Variants in PI4K2B observed in about 807,000 individuals in gnomAD.
PI4K2B encodes the protein phosphatidylinositol 4-kinase type 2-beta.
A neutral mutation model predicts 56.6 loss-of-function variants in PI4K2B; 46 were observed. The ratio of observed to expected loss-of-function variants is 0.81; its 90% confidence interval spans 0.64 to 1.04. PI4K2B has a LOEUF of 1.04. Ranked by LOEUF, PI4K2B falls within the 50% of genes least tolerant of loss-of-function variation. The pLI, the probability that PI4K2B is intolerant of heterozygous loss-of-function variation, is 0.00. For missense variants in PI4K2B, 556 were observed against 607.7 expected (o/e 0.91, Z 0.89); for synonymous variants, 211 against 223.8 (o/e 0.94, Z 0.51).
intron 2 of PI4K2B, among the ~76,000 whole-genome samples, chr4:25,252,792 T>C (rs1442762399): frequency 6.6e-6 from 1 of 152,124 alleles, no homozygotes; most frequent in Non-Finnish European, 1.5e-5. Context: ...TTTGTAATTA[T>C]TTGTAGAGAC....
chr4:25,236,915 T>A (rs1715285985), intron 1 of PI4K2B, among the ~76,000 whole-genome samples: 1 of 152,250 alleles, frequency 6.6e-6, no homozygotes, highest in Admixed American at 6.5e-5. Flanking sequence ...TAATACTTTT[T>A]AAGTTTAGTT....
intron 1 of PI4K2B, among the ~76,000 whole-genome samples, chr4:25,251,395 G>GT (rs1716045423): frequency 6.6e-6 from 1 of 152,168 alleles, no homozygotes; most frequent in South Asian, 2.1e-4. Flanking sequence ...CATGGAGTTG[G>GT]TAGACAGTTG....
In PI4K2B at chr4:25,259,128, G is replaced by A. The variant is rs145898927; in HGVS notation, c.848G>A (p.Arg283Lys). 7.0e-5 allele frequency: 111 copies of A among 1,584,504 alleles called. No individual in the cohort carries two copies. The East Asian group carries it at 1.1e-3, about 16-fold the overall frequency. The change falls in exon 5 of 10, where the codon AGA becomes AAA. Residue 283 changes from arginine to lysine, a missense_variant. By Grantham distance (26) the Arg-to-Lys change is conservative. Coordinates refer to ENST00000264864, the MANE Select transcript of PI4K2B (RefSeq NM_018323.4). ...GCTGACCCTTTGCCTGAGAATATTA[G>A]AAAACAATTTCAGTCACAATTTGAA... ...FEADPLPENI[R>K]KQFQSQFERL...
At chr4:25,244,940 C>T (rs189206144) in intron 1 of PI4K2B, among the ~76,000 whole-genome samples, 1 of 152,270 alleles carries the variant, frequency 6.6e-6, no homozygotes, top group African/African-American at 2.4e-5. Flanking sequence ...GGACTTTACC[C>T]CTGTCCTATA....
At chr4:25,257,470 T>A (rs1048053115) in intron 4 of PI4K2B, among the ~76,000 whole-genome samples, 9 of 152,162 alleles carry the variant, frequency 5.9e-5, no homozygotes, top group African/African-American at 1.7e-4. Flanking sequence ...ACTTGGTACA[T>A]AGTAAAGGTT....
chr4:25,235,411 G>A (rs1715216671), intron 1 of PI4K2B, among the ~76,000 whole-genome samples: 2 of 152,334 alleles, frequency 1.3e-5, no homozygotes, highest in African/African-American at 2.4e-5. Context: ...TGTACTGTTA[G>A]TGGTACACTA....
rs771540491 is a variant in PI4K2B, at chr4:25,260,607, ATT to A, written c.978+19_978+20del. The A allele has an allele frequency of 6.4e-5, 30 of 471,426 alleles. 1 individual carries two copies. Among genetic ancestry groups the A allele is most frequent in the Middle Eastern group, 6.2e-4 (1 of 1,624 alleles). 29.2% of individuals were successfully genotyped at this position (471,426 alleles called of 1,614,324 possible). On this transcript the variant is annotated intron_variant, in intron 6 of 9. Transcript: ENST00000264864. ...TGACCATAAGGTAAGGAAATTTACA[ATT>A]TTATATATATATATATATATATATA...
At chr4:25,275,675 AAAAC>A (rs1434525200) in intron 9 of PI4K2B, among the ~76,000 whole-genome samples, 4 of 150,190 alleles carry the variant, frequency 2.7e-5, no homozygotes, top group African/African-American at 9.8e-5. Flanking sequence ...AAAACAAAAC[AAAAC>A]AAAAAAAAAG....
chr4:25,257,364 G>T (rs1038206098), intron 4 of PI4K2B, among the ~76,000 whole-genome samples: 1 of 152,114 alleles, frequency 6.6e-6, no homozygotes, highest in Non-Finnish European at 1.5e-5. Flanking sequence ...GCCTGGCCAA[G>T]TTCCTTACTC....
intron 7 of PI4K2B, among the ~76,000 whole-genome samples, chr4:25,264,202 C>T (rs1270044848): frequency 6.6e-6 from 1 of 152,124 alleles, no homozygotes. Flanking sequence ...TTTAGGCCTG[C>T]CCTCCACCTG....
chr4:25,242,643 G>T (rs984121570), intron 1 of PI4K2B, among the ~76,000 whole-genome samples: 2 of 152,344 alleles, frequency 1.3e-5, no homozygotes, highest in East Asian at 3.9e-4. Context: ...GAATTGGGGT[G>T]TTGCAGGGAC....
chr4:25,271,042 G>A (rs1716869313), intron 9 of PI4K2B, among the ~76,000 whole-genome samples: 1 of 152,208 alleles, frequency 6.6e-6, no homozygotes, highest in African/African-American at 2.4e-5. Flanking sequence ...CTGTCATGGA[G>A]TTTTGCTCTG....
At chr4:25,266,488 C>T (rs1716667848) in intron 7 of PI4K2B, among the ~76,000 whole-genome samples, 1 of 152,088 alleles carries the variant, frequency 6.6e-6, no homozygotes, top group South Asian at 2.1e-4. Context: ...TTTTCCTGCC[C>T]TCTTATTTTT....
chr4:25,249,085 C>A (rs918414367), intron 1 of PI4K2B, among the ~76,000 whole-genome samples: 2 of 152,078 alleles, frequency 1.3e-5, no homozygotes, highest in African/African-American at 4.8e-5. Context: ...TCCATTTAAC[C>A]CTTAGTGGAC....
chr4:25,273,043 A>T (rs2109026183), intron 9 of PI4K2B, among the ~76,000 whole-genome samples: 1 of 152,208 alleles, frequency 6.6e-6, no homozygotes, highest in East Asian at 1.9e-4. Flanking sequence ...CTTTTGCCCT[A>T]GTTTGTAGTA....
intron 6 of PI4K2B, among the ~76,000 whole-genome samples, chr4:25,261,796 C>T (rs1716487980): frequency 6.6e-6 from 1 of 152,106 alleles, no homozygotes; most frequent in Non-Finnish European, 1.5e-5. Context: ...AGACCAGTAG[C>T]TGGACTGCAG....
chr4:25,257,155 T>G (rs1716291401), intron 4 of PI4K2B, among the ~76,000 whole-genome samples: 1 of 151,704 alleles, frequency 6.6e-6, no homozygotes, highest in African/African-American at 2.4e-5. Context: ...CCTCGTGGGC[T>G]CAGATAATCT....
At chr4:25,234,760 T>C (rs1715177151) in intron 1 of PI4K2B, among the ~76,000 whole-genome samples, 1 of 152,204 alleles carries the variant, frequency 6.6e-6, no homozygotes, top group South Asian at 2.1e-4. Flanking sequence ...CTTGCTCAAG[T>C]TTGGACTTGA....
At chr4:25,264,093 GT>G (rs1164697386) in intron 7 of PI4K2B, among the ~76,000 whole-genome samples, 1 of 152,128 alleles carries the variant, frequency 6.6e-6, no homozygotes, top group Non-Finnish European at 1.5e-5. Context: ...AATGAGTTTA[GT>G]AGTGTTCCAG....
Sources: gnomAD v4.1 joint callset for allele counts (sites outside exome capture counted in the v4.1 genomes callset) on GRCh38, gnomAD v4.1.1 for gene constraint, MANE v1.5 for transcripts, NCBI Gene and HGNC (gene_info 2026-07-23, HGNC 2026-07-21) for gene names.